ANKS1B: variants seen among roughly 807,000 people sequenced by gnomAD.
ANKS1B encodes the protein ankyrin repeat and sterile alpha motif domain-containing protein 1B.
A neutral mutation model predicts 148.3 loss-of-function variants in ANKS1B; 36 were observed. That is an observed-to-expected ratio of 0.24 (90% CI 0.19 to 0.32). ANKS1B has a LOEUF of 0.32. Among genes scored for constraint, ANKS1B ranks in the 10% least tolerant of loss-of-function variants. The pLI is 1.00. For missense variants in ANKS1B, 1,157 were observed against 1,542.6 expected (o/e 0.75, Z 4.19); for synonymous variants, 542 against 560.8 (o/e 0.97, Z 0.47).
chr12:99,233,552 A>G (rs2087270923), intron 14 of ANKS1B, among the ~76,000 whole-genome samples: 1 of 152,192 alleles, frequency 6.6e-6, no homozygotes, highest in South Asian at 2.1e-4. Context: ...TCCTACACCA[A>G]TACTGATTTG....
At chr12:99,903,330 C>A (rs755649399) in intron 1 of ANKS1B, among the ~76,000 whole-genome samples, 15 of 152,186 alleles carry the variant, frequency 9.9e-5, no homozygotes, top group Non-Finnish European at 1.9e-4. Context: ...GCCACACCAA[C>A]TTAAGTTCTT....
intron 8 of ANKS1B, among the ~76,000 whole-genome samples, chr12:99,721,210 C>A (rs1009072174): frequency 7.2e-5 from 11 of 152,274 alleles, no homozygotes; most frequent in Non-Finnish European, 1.0e-4. Flanking sequence ...TAATCCCACT[C>A]GAAGCAGCCC....
chr12:98,938,978 CAA>C (rs1378329095), intron 17 of ANKS1B, among the ~76,000 whole-genome samples: 1 of 152,162 alleles, frequency 6.6e-6, no homozygotes, highest in Admixed American at 6.5e-5. Context: ...AACAAAAAGG[CAA>C]AAGTTTATTA....
chr12:99,962,810 CTTTT>C (rs1010885602), intron 1 of ANKS1B, among the ~76,000 whole-genome samples: 6 of 120,708 alleles, frequency 5.0e-5, no homozygotes, highest in African/African-American at 1.6e-4. Context: ...TGATGTTGAG[CTTTT>C]TTTTTTTTTT....
intron 12 of ANKS1B, among the ~76,000 whole-genome samples, chr12:99,343,952 A>T (rs1211330633): frequency 6.6e-6 from 1 of 152,054 alleles, no homozygotes; most frequent in Non-Finnish European, 1.5e-5. Context: ...GTAAGGAACA[A>T]TAAGCCATGT....
At chr12:99,876,329 A>G (rs1459018811) in intron 1 of ANKS1B, among the ~76,000 whole-genome samples, 2 of 152,214 alleles carry the variant, frequency 1.3e-5, no homozygotes, top group Non-Finnish European at 2.9e-5. Flanking sequence ...CCCAAAAGCA[A>G]GACCCTCTCT....
chr12:99,193,942 T>C (rs1250069453), intron 14 of ANKS1B, among the ~76,000 whole-genome samples: 2 of 151,468 alleles, frequency 1.3e-5, no homozygotes, highest in African/African-American at 4.9e-5. Context: ...GCCGGGACTA[T>C]AGGCGCATGC....
rs986382600 is a variant in ANKS1B, at chr12:98,823,455, A to G, written c.3066+5719T>C. Among the ~76,000 whole-genome samples the G allele has an allele frequency of 2.0e-5, 3 of 152,238 alleles. No individual in the cohort carries two copies. In the South Asian group the frequency reaches 6.2e-4, roughly 32 times the overall value. On this transcript the variant is annotated intron_variant, in intron 19 of 26. Transcript: ENST00000683438. The stretch of plus-strand genomic sequence containing the variant: ...CATTAAACAAAAAATCTGATGTGAC[A>G]CAGTAATAGGAAAACTTGTTTAGTT...
At chr12:99,821,664 C>G (rs2082519671) in intron 2 of ANKS1B, among the ~76,000 whole-genome samples, 1 of 151,892 alleles carries the variant, frequency 6.6e-6, no homozygotes, top group African/African-American at 2.4e-5. Flanking sequence ...TGAGAAAGAA[C>G]AAGAAAAGTA....
At chr12:99,226,269 T>A (rs2153944785) in intron 14 of ANKS1B, among the ~76,000 whole-genome samples, 1 of 152,328 alleles carries the variant, frequency 6.6e-6, no homozygotes, top group African/African-American at 2.4e-5. Context: ...TTTCTTTTAT[T>A]CTTATAATAA....
intron 15 of ANKS1B, among the ~76,000 whole-genome samples, chr12:99,139,237 CTTCT>C (rs973175710): frequency 1.4e-5 from 2 of 140,936 alleles, no homozygotes; most frequent in African/African-American, 2.8e-5. Flanking sequence ...TCCTTCCTTC[CTTCT>C]CTCTTTCTTT....
rs77058621 is a variant in ANKS1B at position 99,764,885 on chromosome 12, T to C, written c.1128+8037A>G. 5.0e-3 allele frequency among the ~76,000 whole-genome samples: 765 copies of C among 152,210 alleles called. 10 individuals carry two copies. The highest frequency in any genetic ancestry group is 0.018 in the African/African-American group (731 of 41,538). Reference sequence around the variant, plus strand: ...CCAGGGCTAGTTTTGAGTAGGAAAATGACATGACCAGAATGGCACTTAAGG... The same window carrying C: ...CCAGGGCTAGTTTTGAGTAGGAAAACGACATGACCAGAATGGCACTTAAGG... On this transcript the variant is annotated intron_variant, in intron 8 of 26. Coordinates refer to ENST00000683438, the MANE Select transcript of ANKS1B (RefSeq NM_001352186.2).
intron 1 of ANKS1B, among the ~76,000 whole-genome samples, chr12:99,926,175 AAACTTT>A (rs1175910044): frequency 6.6e-6 from 1 of 152,244 alleles, no homozygotes; most frequent in African/African-American, 2.4e-5. Flanking sequence ...CTTATCAGTT[AAACTTT>A]AACTTGCTCT....
intron 9 of ANKS1B, among the ~76,000 whole-genome samples, chr12:99,619,369 C>T (rs2173789): frequency 0.65 from 99,146 of 151,604 alleles, 32,618 homozygotes; most frequent in African/African-American, 0.73. Flanking sequence ...TGTGGCCAGA[C>T]CTCCAGGCAT....
At chr12:99,409,865 A>G (rs1162447083) in intron 11 of ANKS1B, among the ~76,000 whole-genome samples, 1 of 152,260 alleles carries the variant, frequency 6.6e-6, no homozygotes, top group Admixed American at 6.5e-5. Context: ...GTGTTTTCAC[A>G]AATTCACTGA....
At chr12:99,103,081 AG>A (rs768741656) in intron 15 of ANKS1B, among the ~76,000 whole-genome samples, 9 of 151,940 alleles carry the variant, frequency 5.9e-5, no homozygotes, top group Non-Finnish European at 1.0e-4. Context: ...AAACTGCTGG[AG>A]GTAGGAGGGG....
At chr12:99,579,638 A>C (rs977908815) in intron 9 of ANKS1B, among the ~76,000 whole-genome samples, 4 of 152,186 alleles carry the variant, frequency 2.6e-5, no homozygotes, top group African/African-American at 9.6e-5. Flanking sequence ...GCAAATCAAA[A>C]CCACACTGAA....
intron 17 of ANKS1B, among the ~76,000 whole-genome samples, chr12:98,859,955 GACAA>G (rs1382895291): frequency 1.3e-5 from 2 of 152,116 alleles, no homozygotes; most frequent in African/African-American, 4.8e-5. Flanking sequence ...TTATTGCACA[GACAA>G]ACAGAAGTTA....
chr12:98,925,135 A>C (rs374713151), intron 17 of ANKS1B, among the ~76,000 whole-genome samples: 1 of 152,202 alleles, frequency 6.6e-6, no homozygotes, highest in African/African-American at 2.4e-5. Flanking sequence ...CACAGCTGAT[A>C]AGCTTTCTGC....
Sources: gnomAD v4.1 joint callset for allele counts (sites outside exome capture counted in the v4.1 genomes callset) on GRCh38, gnomAD v4.1.1 for gene constraint, MANE v1.5 for transcripts, NCBI Gene and HGNC (gene_info 2026-07-23, HGNC 2026-07-21) for gene names.